Variants in TENM3 observed in about 807,000 individuals in gnomAD.
TENM3 encodes the protein teneurin transmembrane protein 3.
TENM3 carries 63 observed loss-of-function variants against 255.1 expected under a neutral mutation model. That is an observed-to-expected ratio of 0.25 (90% CI 0.20 to 0.30). The LOEUF (loss-of-function observed/expected upper bound fraction) is 0.30, where lower values mean the gene tolerates loss of function less well. Among genes scored for constraint, TENM3 ranks in the 10% least tolerant of loss-of-function variants. The pLI is 1.00. For missense variants in TENM3, 2,929 were observed against 3,461.1 expected (o/e 0.85, Z 3.86); for synonymous variants, 1,306 against 1,322.3 (o/e 0.99, Z 0.27).
intron 3 of TENM3, among the ~76,000 whole-genome samples, chr4:182,530,249 C>G (rs1047643808): frequency 6.6e-6 from 1 of 152,182 alleles, no homozygotes; most frequent in Non-Finnish European, 1.5e-5. Context: ...GGAATTATCT[C>G]TAAATTTTAT....
chr4:182,518,338 A>G (rs893765860), intron 3 of TENM3, among the ~76,000 whole-genome samples: 1 of 152,182 alleles, frequency 6.6e-6, no homozygotes, highest in African/African-American at 2.4e-5. Context: ...ATATGATGGA[A>G]TATCACTCCA....
the TENM3 span, among the ~76,000 whole-genome samples, chr4:181,787,960 A>G: frequency 2.6e-5 from 4 of 152,198 alleles, no homozygotes; most frequent in Admixed American, 2.6e-4. Context: ...GCACCACTAT[A>G]CTCCACAGAG....
chr4:182,205,497 G>A (rs186565505), intron 1 of TENM3, among the ~76,000 whole-genome samples: 63 of 152,292 alleles, frequency 4.1e-4, no homozygotes, highest in Admixed American at 2.4e-3. Context: ...CACCACTAAC[G>A]TATTTCCTCA....
chr4:181,654,754 CAAAAAAAAA>C, the TENM3 span, among the ~76,000 whole-genome samples: 3 of 93,024 alleles, frequency 3.2e-5, no homozygotes, highest in East Asian at 3.3e-4. Context: ...AACTCCATCT[CAAAAAAAAA>C]AAAAAAAAAA....
rs371515616 is a variant in TENM3 at position 182,738,503 on chromosome 4, G to T, written c.3338G>T (p.Gly1113Val). The T allele has an allele frequency of 3.8e-5, 62 of 1,612,992 alleles. No homozygotes were observed. The highest frequency in any genetic ancestry group is 5.2e-5 in the Non-Finnish European group (61 of 1,179,512). ...GAATTGGATGCGTCCAACATGGGTG[G>T]CTGGACATTAGATAAACATCACGTG... ...GYELDASNMG[G>V]WTLDKHHVLD... is the part of the protein sequence containing the mutation. The change falls in exon 18 of 28, where the codon GGC (glycine) becomes GTC (valine). Residue 1113 changes from glycine (G) to valine (V), a missense_variant. Around this residue, in one of 6 missense-constraint regions of TENM3, gnomAD observed 1,608 missense variants for 1,884.4 expected, o/e 0.85. Coordinates refer to ENST00000511685, the MANE Select transcript of TENM3 (RefSeq NM_001080477.4).
rs572100205 is a variant in TENM3, at chr4:182,740,804, C to T, written c.3379+2260C>T. ...CTAAACCAGAATAACATATGGGTAA[C>T]TTCTATTAAAATACCAGGGCAGATG... On this transcript the variant is annotated intron_variant, in intron 18 of 27. Coordinates refer to ENST00000511685, the MANE Select transcript of TENM3 (RefSeq NM_001080477.4). Among the ~76,000 whole-genome samples the T allele has an allele frequency of 2.7e-4, 41 of 152,186 alleles. 2 individuals are homozygous for T. In the South Asian group the frequency reaches 8.5e-3, roughly 32 times the overall value.
chr4:181,533,048 G>A, the TENM3 span, among the ~76,000 whole-genome samples: 1 of 152,072 alleles, frequency 6.6e-6, no homozygotes, highest in Non-Finnish European at 1.5e-5. Context: ...TTTTCTACCC[G>A]GGGTTTTGGG....
upstream of TENM3, among the ~76,000 whole-genome samples, chr4:182,241,518 C>CTTTTCTTTTTTTTTT (rs1554036904): frequency 8.8e-6 from 1 of 114,280 alleles, no homozygotes; most frequent in African/African-American, 3.8e-5. Flanking sequence ...TTTTTTCTTT[C>CTTTTCTTTTTTTTTT]TTTTTTTTTT....
chr4:182,140,971 G>T (rs1377393892), upstream of TENM3, among the ~76,000 whole-genome samples: 1 of 150,930 alleles, frequency 6.6e-6, no homozygotes, highest in Non-Finnish European at 1.5e-5. Context: ...GAATCCAGAG[G>T]TTCGGCCCAT....
chr4:181,538,902 G>A, the TENM3 span, among the ~76,000 whole-genome samples: 3 of 152,122 alleles, frequency 2.0e-5, no homozygotes, highest in African/African-American at 4.8e-5. Flanking sequence ...AATTGGTTTA[G>A]TTGTTTAATT....
At chr4:182,046,467 G>T in the TENM3 span, among the ~76,000 whole-genome samples, 437 of 151,956 alleles carry the variant, frequency 2.9e-3, 7 homozygotes, top group Middle Eastern at 0.014. Context: ...ACTTTGGGAG[G>T]CTGAGGTGGG....
At chr4:181,914,540 C>T in the TENM3 span, among the ~76,000 whole-genome samples, 13 of 152,092 alleles carry the variant, frequency 8.5e-5, no homozygotes, top group African/African-American at 2.7e-4. Flanking sequence ...CTTATAGCCC[C>T]GGTACCCAGC....
intron 1 of TENM3, among the ~76,000 whole-genome samples, chr4:182,305,660 T>A (rs1338982913): frequency 6.6e-6 from 1 of 152,240 alleles, no homozygotes; most frequent in Non-Finnish European, 1.5e-5. Context: ...GTTACACGCC[T>A]CTACTTCTGC....
chr4:182,753,621 C>T lies in TENM3; in HGVS notation c.4017+17C>T, dbSNP rs369044042. ...ATCAGCCAGGTAGTTAAATACTAAGCGGACTTGTTTGTTTTTCCTCTAGGT... is the reference window on the plus strand; with the variant it reads ...ATCAGCCAGGTAGTTAAATACTAAGTGGACTTGTTTGTTTTTCCTCTAGGT... On this transcript the variant is annotated intron_variant, in intron 21 of 27. Coordinates refer to ENST00000511685, the MANE Select transcript of TENM3 (RefSeq NM_001080477.4). 7.4e-6 allele frequency: 12 copies of T among 1,610,788 alleles called. No individual in the cohort carries two copies. Among genetic ancestry groups the T allele is most frequent in the Middle Eastern group, 1.7e-4 (1 of 6,040 alleles).
chr4:181,521,142 G>A, the TENM3 span, among the ~76,000 whole-genome samples: 1 of 152,132 alleles, frequency 6.6e-6, no homozygotes, highest in Non-Finnish European at 1.5e-5. Context: ...AGCAGCCATG[G>A]GCTAAAGCAA....
At chr4:181,514,283 T>TA in the TENM3 span, among the ~76,000 whole-genome samples, 63 of 152,188 alleles carry the variant, frequency 4.1e-4, no homozygotes, top group Non-Finnish European at 6.3e-4. Flanking sequence ...AAAAAGTTTT[T>TA]AAAAAAAATT....
the TENM3 span, among the ~76,000 whole-genome samples, chr4:181,783,493 A>AT: frequency 6.6e-6 from 1 of 151,864 alleles, no homozygotes; most frequent in East Asian, 1.9e-4. Flanking sequence ...TGTTCACATT[A>AT]TTTTTTCTTT....
chr4:181,713,130 T>C, the TENM3 span, among the ~76,000 whole-genome samples: 1 of 152,244 alleles, frequency 6.6e-6, no homozygotes, highest in Non-Finnish European at 1.5e-5. Context: ...ATTAGACTGT[T>C]GGCACCTTCT....
chr4:182,586,499 C>G (rs1476089126), intron 3 of TENM3, among the ~76,000 whole-genome samples: 3 of 152,076 alleles, frequency 2.0e-5, no homozygotes, highest in East Asian at 3.9e-4. Context: ...GTTGTATACA[C>G]ACAAAAAACA....
Sources: allele counts gnomAD v4.1 joint callset (sites outside exome capture counted in the v4.1 genomes callset), GRCh38; gene constraint gnomAD v4.1.1; regional missense constraint gnomAD v4.1.1; transcripts MANE v1.5; gene names NCBI Gene and HGNC (gene_info 2026-07-23, HGNC 2026-07-21).